METAP1D: variants seen among roughly 807,000 people sequenced by gnomAD.
METAP1D encodes the protein methionine aminopeptidase 1D, mitochondrial.
Under a neutral mutation model 40.5 loss-of-function variants are expected in METAP1D, and 31 were observed. That is an observed-to-expected ratio of 0.77 (90% CI 0.58 to 1.03). METAP1D has a LOEUF of 1.03. Among genes scored for constraint, METAP1D ranks in the 50% least tolerant of loss-of-function variants. The pLI is 0.00. For synonymous variants in METAP1D, 151 were observed against 146.4 expected (o/e 1.03, Z -0.22); for missense variants, 411 against 420.7 (o/e 0.98, Z 0.20).
intron 1 of METAP1D, among the ~76,000 whole-genome samples, chr2:172,001,309 G>T (rs567615605): frequency 2.6e-5 from 4 of 152,178 alleles, no homozygotes; most frequent in African/African-American, 9.6e-5. Flanking sequence ...GGAGGCCGAG[G>T]CAGGTGGCTC....
intron 3 of METAP1D, among the ~76,000 whole-genome samples, chr2:172,065,205 C>G (rs1030804773): frequency 1.3e-5 from 2 of 152,164 alleles, no homozygotes; most frequent in African/African-American, 4.8e-5. Flanking sequence ...TTTCAAGGTT[C>G]AACTGATGAA....
At chr2:172,005,674 A>C (rs1408801594) in intron 1 of METAP1D, among the ~76,000 whole-genome samples, 1 of 150,858 alleles carries the variant, frequency 6.6e-6, no homozygotes, top group East Asian at 1.9e-4. Flanking sequence ...AATAGCTGGG[A>C]CTACAGGCAC....
chr2:172,075,743 C>T lies in METAP1D; in HGVS notation c.705-2054C>T, dbSNP rs139170248. 4.6e-5 allele frequency among the ~76,000 whole-genome samples: 7 copies of T among 152,232 alleles called. No homozygotes were observed. The East Asian group carries it at 1.3e-3, about 29-fold the overall frequency. ...CCAGTAAGTGCTAAAAACCACCTACCAATCCAGAAGGAAAATACTCTGCAA... is the reference window on the plus strand; with the variant it reads ...CCAGTAAGTGCTAAAAACCACCTACTAATCCAGAAGGAAAATACTCTGCAA... On this transcript the variant is annotated intron_variant, in intron 6 of 9. Coordinates refer to ENST00000315796, the MANE Select transcript of METAP1D (RefSeq NM_199227.3).
intron 1 of METAP1D, among the ~76,000 whole-genome samples, chr2:172,049,967 C>A (rs901819069): frequency 1.3e-5 from 2 of 152,170 alleles, no homozygotes; most frequent in African/African-American, 4.8e-5. Flanking sequence ...CTATCCCATG[C>A]CTTTCACTTA....
chr2:172,043,104 TATATATATA>T lies in METAP1D; in HGVS notation c.41-18393_41-18385del, dbSNP rs1470156307. On this transcript the variant is annotated intron_variant, in intron 1 of 9. Coordinates refer to ENST00000315796, the MANE Select transcript of METAP1D (RefSeq NM_199227.3). ...GTACATATATTTACATACATATATATATATATATATATATTTTTTGGGATACAGGATCTC... is the reference window on the plus strand; with the variant it reads ...GTACATATATTTACATACATATATATTATATTTTTTGGGATACAGGATCTC... Among the ~76,000 whole-genome samples the T allele has an allele frequency of 2.4e-4, 7 of 29,394 alleles. 2 individuals carry two copies. Among genetic ancestry groups the T allele is most frequent in the East Asian group, 2.8e-3 (1 of 360 alleles). The allele number at this position is 29,394 out of a possible 152,430, so 19.3% of individuals were successfully genotyped here. A position where few individuals can be genotyped will look rare whatever the true frequency, so the allele number is the denominator to read the frequency against.
intron 1 of METAP1D, among the ~76,000 whole-genome samples, chr2:172,047,097 T>C (rs1048977807): frequency 2.0e-5 from 3 of 152,220 alleles, no homozygotes; most frequent in Non-Finnish European, 4.4e-5. Context: ...CTTTGGTTTA[T>C]GTATATTTTA....
chr2:172,063,522 G>A (rs984991073), intron 2 of METAP1D, among the ~76,000 whole-genome samples, 189 bp from the exon 3 acceptor site: 1 of 152,180 alleles, frequency 6.6e-6, no homozygotes, highest in African/African-American at 2.4e-5. Flanking sequence ...GCACTAACAG[G>A]CAATGTTAAG....
chr2:172,000,006 A>C lies in METAP1D; in HGVS notation c.37A>C (p.Arg13=), dbSNP rs891514720. The change falls in exon 1 of 10, where the codon AGA becomes CGA. Residue 13 remains arginine (R), a synonymous_variant. Transcript: ENST00000315796. ...APSGVHLLVR[R]GSHRIFSSPL... The stretch of plus-strand genomic sequence containing the variant: ...CAGTGGCGTCCACCTGCTCGTCCGC[A>C]GAGGTAAGCGCGTGGAGGAGAGCCC... 5 of 1,339,542 alleles carry C rather than the reference A, an allele frequency of 3.7e-6. No individual in the cohort carries two copies. The highest frequency in any genetic ancestry group is 1.5e-5 in the African/African-American group (1 of 65,194). 83.0% of individuals were successfully genotyped at this position (1,339,542 alleles called of 1,614,324 possible).
intron 1 of METAP1D, among the ~76,000 whole-genome samples, chr2:172,060,834 A>G (rs1425915036): frequency 6.6e-6 from 1 of 152,256 alleles, no homozygotes; most frequent in Admixed American, 6.5e-5. Context: ...TAGTGTCTGC[A>G]GGATAAAGTC....
At chr2:172,077,321 A>G (rs931109534) in intron 6 of METAP1D, among the ~76,000 whole-genome samples, 3 of 152,220 alleles carry the variant, frequency 2.0e-5, no homozygotes, top group African/African-American at 7.2e-5. Flanking sequence ...GAAAAAGGGA[A>G]CCATAGAAGT....
chr2:172,054,725 G>A (rs1465073263), intron 1 of METAP1D, among the ~76,000 whole-genome samples: 1 of 152,088 alleles, frequency 6.6e-6, no homozygotes, highest in Admixed American at 6.5e-5. Flanking sequence ...AAAATGTGCT[G>A]CAGGATCCAG....
chr2:172,036,726 C>G (rs898632819), intron 1 of METAP1D, among the ~76,000 whole-genome samples: 1 of 152,086 alleles, frequency 6.6e-6, no homozygotes, highest in Non-Finnish European at 1.5e-5. Context: ...CTTCTGTATG[C>G]ATTTCTTTTA....
chr2:172,060,188 G>A (rs1009555679), intron 1 of METAP1D, among the ~76,000 whole-genome samples: 10 of 152,144 alleles, frequency 6.6e-5, no homozygotes, highest in Non-Finnish European at 1.2e-4. Context: ...GGCCGAGGTG[G>A]GAGGATCGCT....
At chr2:172,039,941 C>T (rs749786859) in intron 1 of METAP1D, among the ~76,000 whole-genome samples, 5 of 151,416 alleles carry the variant, frequency 3.3e-5, no homozygotes, top group Non-Finnish European at 5.9e-5. Context: ...TCTCAGAGTG[C>T]TGGGATTACA....
intron 1 of METAP1D, among the ~76,000 whole-genome samples, chr2:172,054,347 C>T (rs1351442052): frequency 1.3e-5 from 2 of 151,902 alleles, no homozygotes; most frequent in African/African-American, 4.8e-5. Context: ...TGGTGAAACC[C>T]GTCTCTATTA....
intron 1 of METAP1D, among the ~76,000 whole-genome samples, chr2:172,020,280 C>T (rs1207522135): frequency 2.0e-5 from 3 of 152,214 alleles, no homozygotes; most frequent in South Asian, 2.1e-4. Context: ...CCACCGCGCC[C>T]GGCCTAACCT....
At chr2:172,049,658 AT>A (rs911984699) in intron 1 of METAP1D, among the ~76,000 whole-genome samples, 6 of 152,262 alleles carry the variant, frequency 3.9e-5, no homozygotes, top group Admixed American at 3.3e-4. Flanking sequence ...CCTTCAGAAA[AT>A]TTGGAGCTTT....
chr2:172,040,191 C>T (rs1382701771), intron 1 of METAP1D, among the ~76,000 whole-genome samples: 3 of 151,826 alleles, frequency 2.0e-5, no homozygotes, highest in Admixed American at 6.6e-5. Context: ...CTCCTGACCT[C>T]GTGATCCACC....
intron 1 of METAP1D, among the ~76,000 whole-genome samples, chr2:172,028,503 CT>C (rs1448420403): frequency 1.5e-4 from 23 of 150,776 alleles, no homozygotes; most frequent in Non-Finnish European, 3.2e-4. Flanking sequence ...CTCACCTAGA[CT>C]TTTTTTCCTA....
Sources: allele counts gnomAD v4.1 joint callset (sites outside exome capture counted in the v4.1 genomes callset), GRCh38; gene constraint gnomAD v4.1.1; transcripts MANE v1.5; gene names NCBI Gene and HGNC (gene_info 2026-07-23, HGNC 2026-07-21).